CCDC92: variants seen among roughly 807,000 people sequenced by gnomAD.
CCDC92 encodes the protein coiled-coil domain containing 92, also known as coiled-coil domain-containing protein 92.
A neutral mutation model predicts 24.9 loss-of-function variants in CCDC92; 12 were observed. The ratio of observed to expected loss-of-function variants is 0.48; its 90% CI spans 0.31 to 0.78. The LOEUF (loss-of-function observed/expected upper bound fraction) is 0.78. Among genes scored for constraint, CCDC92 ranks in the 30% least tolerant of loss-of-function variants. CCDC92 has a pLI of 0.05. For synonymous variants in CCDC92, 193 were observed against 196.3 expected (o/e 0.98, Z 0.14); for missense variants, 399 against 439.4 (o/e 0.91, Z 0.82).
At chr12:123,961,677 A>G (rs1049139542) in intron 1 of CCDC92, among the ~76,000 whole-genome samples, 5 of 152,228 alleles carry the variant, frequency 3.3e-5, no homozygotes, top group African/African-American at 9.6e-5. Flanking sequence ...AAGCAGACAG[A>G]AACTGCAGTA....
At chr12:123,970,624 T>C (rs560769015) in intron 1 of CCDC92, among the ~76,000 whole-genome samples, 2 of 152,328 alleles carry the variant, frequency 1.3e-5, no homozygotes, top group South Asian at 4.1e-4. Flanking sequence ...TACTGCAACA[T>C]TGGTGTGTGA....
rs140809278 is a variant in CCDC92, at chr12:123,954,770, G to A, written c.-59-10406C>T. On this transcript the variant is annotated intron_variant, in intron 1 of 4. Transcript: ENST00000238156. ...TACATGTGCTCCTACCATCTGTGTC[G>A]TGTGGTGCCTTCTGGGAGTGTCCTG... 3.0e-3 allele frequency among the ~76,000 whole-genome samples: 458 copies of A among 152,328 alleles called. 3 individuals are homozygous for A. The highest frequency in any genetic ancestry group is 0.01 in the African/African-American group (428 of 41,562).
intron 3 of CCDC92, 126 bp downstream of exon 3, chr12:123,943,219 GGC>G (rs1270017329): frequency 2.1e-6 from 2 of 955,030 alleles, no homozygotes; most frequent in Non-Finnish European, 1.5e-6. Flanking sequence ...GATGATATAA[GGC>G]ATTCAGATGG....
Position 123,943,329 on chromosome 12 carries a change from G to A in CCDC92, c.181+18C>T. On this transcript the variant is annotated intron_variant, in intron 3 of 4. Transcript: ENST00000238156. Reference sequence around the variant, plus strand: ...CCATAGCCGCCCCCCGCCTGCCCGGGCCTGCTCCCCGATGTACCTGTGCAG... The same window carrying A: ...CCATAGCCGCCCCCCGCCTGCCCGGACCTGCTCCCCGATGTACCTGTGCAG... 6.2e-7 allele frequency: 1 copy of A among 1,609,178 alleles called. No homozygotes were observed. The highest frequency in any genetic ancestry group is 8.5e-7 in the Non-Finnish European group (1 of 1,179,124).
chr12:123,952,692 TAAAA>T (rs1425942543), intron 1 of CCDC92, among the ~76,000 whole-genome samples: 1 of 152,104 alleles, frequency 6.6e-6, no homozygotes, highest in Non-Finnish European at 1.5e-5. Context: ...AAAGTAGCAA[TAAAA>T]ACGGACAACA....
In CCDC92 at chr12:123,937,304, C is replaced by T. The variant is rs1020527799; in HGVS notation, c.750G>A (p.Arg250=). 6.2e-7 allele frequency: 1 copy of T among 1,613,444 alleles called. No individual in the cohort carries two copies. The change falls in exon 5 of 5, where the codon AGG becomes AGA. Residue 250 remains arginine (R), a synonymous_variant. Transcript: ENST00000238156. This position sits in a 1 kb window ranked among gnomAD's most constrained non-coding sequence, Gnocchi z 8.4. ...TGATGAGGTGGACCTCGGCGGACTC[C>T]CTAGCCAGCAGAAATGGGGTGGGGT... ...MPDPTPFLLA[R]ESAEVHLIKE...
intron 1 of CCDC92, among the ~76,000 whole-genome samples, chr12:123,966,830 G>C (rs575954083): frequency 1.1e-4 from 16 of 152,294 alleles, no homozygotes; most frequent in Admixed American, 4.6e-4. Context: ...CAGTGTTCTA[G>C]AATTAGCCAG....
At chr12:123,972,376 C>T (rs535543212) in intron 1 of CCDC92, among the ~76,000 whole-genome samples, 153 bp downstream of exon 1, 4 of 152,178 alleles carry the variant, frequency 2.6e-5, no homozygotes, top group South Asian at 2.1e-4. Context: ...AGGAGGACCC[C>T]GTCCCCCGTC....
At chr12:123,969,051 T>G (rs1956459387) in intron 1 of CCDC92, among the ~76,000 whole-genome samples, 2 of 152,220 alleles carry the variant, frequency 1.3e-5, no homozygotes, top group Non-Finnish European at 2.9e-5. Flanking sequence ...AGCCACAGAC[T>G]GGAGTCCCCA....
chr12:123,950,663 C>CTGAT (rs1956002949), intron 1 of CCDC92, among the ~76,000 whole-genome samples: 1 of 152,190 alleles, frequency 6.6e-6, no homozygotes, highest in South Asian at 2.1e-4. Context: ...CAAGGCCAGG[C>CTGAT]TGATAGGAGT....
intron 1 of CCDC92, among the ~76,000 whole-genome samples, chr12:123,968,929 T>C (rs1010437260): frequency 6.6e-6 from 1 of 152,248 alleles, no homozygotes; most frequent in African/African-American, 2.4e-5. Context: ...CTTCCTAAAA[T>C]GGAGAGGTCA....
chr12:123,972,296 G>A (rs1020080365), intron 1 of CCDC92, among the ~76,000 whole-genome samples: 4 of 152,084 alleles, frequency 2.6e-5, no homozygotes, highest in African/African-American at 9.7e-5. Context: ...CGTCTCCCGA[G>A]TTGCCTTCGC....
intron 4 of CCDC92, among the ~76,000 whole-genome samples, chr12:123,941,750 C>T (rs577641884): frequency 2.0e-5 from 3 of 152,354 alleles, no homozygotes; most frequent in Admixed American, 6.5e-5. Flanking sequence ...TCTCCTGACC[C>T]TCTCATGACT....
intron 1 of CCDC92, among the ~76,000 whole-genome samples, chr12:123,957,303 G>A (rs1035373349): frequency 6.6e-6 from 1 of 152,238 alleles, no homozygotes; most frequent in Non-Finnish European, 1.5e-5. Flanking sequence ...TCAGGAGCCT[G>A]GAGAGTTTGA....
intron 1 of CCDC92, chr12:123,970,394 G>A (rs1053622516): frequency 1.3e-5 from 2 of 152,224 alleles, no homozygotes; most frequent in African/African-American, 4.8e-5. Context: ...CCTTCATATA[G>A]AAGTGAAATC....
intron 1 of CCDC92, chr12:123,968,349 A>G (rs768146469): frequency 1.3e-5 from 2 of 152,232 alleles, no homozygotes; most frequent in Non-Finnish European, 2.9e-5. Flanking sequence ...GAAGTCTTTA[A>G]AGATGTTTGT....
chr12:123,970,518 T>G (rs1180443478), intron 1 of CCDC92, among the ~76,000 whole-genome samples: 3 of 152,252 alleles, frequency 2.0e-5, no homozygotes, highest in African/African-American at 7.2e-5. Context: ...CAAATCCTTC[T>G]GCAGGTTGAA....
intron 1 of CCDC92, among the ~76,000 whole-genome samples, chr12:123,965,692 TA>T (rs1165337943): frequency 6.6e-6 from 1 of 152,240 alleles, no homozygotes; most frequent in East Asian, 1.9e-4. Flanking sequence ...GAAGGGACTC[TA>T]AAGACTGTCA....
Position 123,950,707 on chromosome 12 carries a change from T to C in CCDC92, c.-59-6343A>G, listed in dbSNP as rs1248987634. ...GGCCAAGTTAGCAATAGGCTATTCC[T>C]GGGAAAAAGCAGCACTTGGCTGCCA... On this transcript the variant is annotated intron_variant, in intron 1 of 4. Coordinates refer to ENST00000238156, the MANE Select transcript of CCDC92 (RefSeq NM_025140.3). Among the ~76,000 whole-genome samples, 3 of 152,182 alleles carry C rather than the reference T, an allele frequency of 2.0e-5. No homozygotes were observed. In the East Asian group the frequency reaches 5.8e-4, roughly 29 times the overall value.
Sources: gnomAD v4.1 joint callset for allele counts (sites outside exome capture counted in the v4.1 genomes callset) on GRCh38, gnomAD v4.1.1 for gene constraint, Gnocchi (gnomAD v3.1) non-coding constraint, MANE v1.5 for transcripts, NCBI Gene and HGNC (gene_info 2026-07-23, HGNC 2026-07-21) for gene names.